PEG3: variants seen among roughly 807,000 people sequenced by gnomAD.
The protein encoded by PEG3 is paternally-expressed gene 3 protein.
Under a neutral mutation model 35.5 loss-of-function variants are expected in PEG3, and 23 were observed. The observed-to-expected ratio is 0.65, with a 90% CI of 0.47 to 0.92. The LOEUF (loss-of-function observed/expected upper bound fraction) is 0.92, where lower values mean the gene tolerates loss of function less well. PEG3 is among the 40% of genes least tolerant of loss of function. The pLI is 0.00. For synonymous variants in PEG3, 707 were observed against 697.0 expected (o/e 1.01, Z -0.23); for missense variants, 1,960 against 1,985.3 (o/e 0.99, Z 0.24).
chr19:56,815,308 T>C lies in PEG3; in HGVS notation c.3134A>G (p.Asp1045Gly). The C allele has an allele frequency of 6.2e-7, 1 of 1,614,252 alleles. No individual in the cohort carries two copies. The highest frequency in any genetic ancestry group is 8.5e-7 in the Non-Finnish European group (1 of 1,180,046). ...DFRQFFATSE[D>G]LNTNQKIYDQ... ...ATAGATTTTCTGGTTTGTGTTGAGG[T>C]CTTCGCTGGTAGCAAAAAATTGTCT... The change falls in exon 10 of 10, where the codon GAC becomes GGC. Residue 1045 changes from aspartate to glycine, a missense_variant. This residue lies in a region of PEG3 where 798 missense variants were observed against 782.4 expected (regional missense o/e 1.02). Transcript: ENST00000326441.
intron 5 of PEG3, 48 bp downstream of exon 5, chr19:56,823,545 C>G (rs539549964): frequency 6.2e-7 from 1 of 1,612,268 alleles, no homozygotes; most frequent in South Asian, 1.1e-5. Flanking sequence ...CTGGAAGCAT[C>G]TGGCAGCGCC....
chr19:56,812,567 C>T lies in PEG3; in HGVS notation c.*1108G>A. On this transcript the variant is annotated 3_prime_UTR_variant, in exon 10 of 10. Coordinates refer to ENST00000326441, the MANE Select transcript of PEG3 (RefSeq NM_006210.3). Reference sequence around the variant, plus strand: ...CTTGTGGCAGCATAAGCTGATGCTGCACAGGGGACCCAAGCCATGTTGCTA... The same window carrying T: ...CTTGTGGCAGCATAAGCTGATGCTGTACAGGGGACCCAAGCCATGTTGCTA... 1.0e-6 allele frequency: 1 copy of T among 985,714 alleles called. No homozygotes were observed. Among genetic ancestry groups the T allele is most frequent in the Non-Finnish European group, 1.2e-6 (1 of 829,908 alleles). The allele number at this position is 985,714 out of a possible 1,614,324, so 61.1% of individuals were successfully genotyped here. A position where few individuals can be genotyped will look rare whatever the true frequency, so the allele number is the denominator to read the frequency against.
In PEG3 at chr19:56,810,985, G is replaced by A. The variant is rs1600845534; in HGVS notation, c.*2690C>T. ...TTAACCATAATTCCACAAAGGTAAT[G>A]TAACAGCTATTTTGAATATACATTT... is the stretch of plus-strand genomic sequence containing the variant. On this transcript the variant is annotated 3_prime_UTR_variant, in exon 10 of 10. Coordinates refer to ENST00000326441, the MANE Select transcript of PEG3 (RefSeq NM_006210.3). 3 of 973,374 alleles carry A rather than the reference G, an allele frequency of 3.1e-6. No homozygotes were observed. Among genetic ancestry groups the A allele is most frequent in the Non-Finnish European group, 3.7e-6 (3 of 818,958 alleles). 60.3% of individuals were successfully genotyped at this position (973,374 alleles called of 1,614,324 possible).
chr19:56,822,201 T>C (rs866942341), intron 6 of PEG3, among the ~76,000 whole-genome samples: 32 of 152,258 alleles, frequency 2.1e-4, no homozygotes, highest in African/African-American at 7.5e-4. Flanking sequence ...CTTCTCCTGA[T>C]CAATTTTAGG....
chr19:56,835,353 C>G (rs945663152), intron 2 of PEG3, among the ~76,000 whole-genome samples: 6 of 152,202 alleles, frequency 3.9e-5, no homozygotes, highest in African/African-American at 1.4e-4. Flanking sequence ...CTACCTCAAT[C>G]AGATGCCACT....
intron 4 of PEG3, 78 bp downstream of exon 4, chr19:56,824,179 CCATGT>C: frequency 6.4e-7 from 1 of 1,552,460 alleles, no homozygotes; most frequent in Non-Finnish European, 8.7e-7. Flanking sequence ...CCAGTCCAGA[CCATGT>C]CAGAAGTGTG....
chr19:56,833,429 C>T (rs536042582), intron 2 of PEG3: 13 of 335,182 alleles, frequency 3.9e-5, no homozygotes, highest in Admixed American at 3.4e-4. Context: ...CTCTGCAGAC[C>T]GACATTCTCT....
intron 6 of PEG3, 104 bp from the exon 7 acceptor site, chr19:56,821,858 A>G (rs2060521996): frequency 8.2e-7 from 1 of 1,226,588 alleles, no homozygotes; most frequent in Non-Finnish European, 1.2e-6. Context: ...TGAGTGTATG[A>G]GAGCAAGTGC....
chr19:56,824,446 G>A lies in PEG3; in HGVS notation c.210C>T (p.Leu70=). The A allele has an allele frequency of 6.2e-7, 1 of 1,614,168 alleles. No homozygotes were observed. Reference sequence around the variant, plus strand: ...TCTCCGGCTGCAACCAATCGAGGCAGAGGTTTCGGAGTTTGATCAGGGTCT... The same window carrying A: ...TCTCCGGCTGCAACCAATCGAGGCAAAGGTTTCGGAGTTTGATCAGGGTCT... ...PRKTLIKLRN[L]CLDWLQPETR... Residue 70 remains leucine, a synonymous_variant, in exon 4 of 10, where the codon CTC becomes CTT. Coordinates refer to ENST00000326441, the MANE Select transcript of PEG3 (RefSeq NM_006210.3).
chr19:56,824,536 A>G lies in PEG3; in HGVS notation c.120T>C (p.Thr40=), dbSNP rs1442027576. 1 of 1,614,186 alleles carries G rather than the reference A, an allele frequency of 6.2e-7. No individual in the cohort carries two copies. The highest frequency in any genetic ancestry group is 8.5e-7 in the Non-Finnish European group (1 of 1,180,028). ...EPDVIIGEGP[T]DSEFFHQRFR... Reference sequence around the variant, plus strand: ...ACCTCTGATGAAAAAACTCAGAGTCAGTTGGACCTTCTCCTATGATGACAT... The same window carrying G: ...ACCTCTGATGAAAAAACTCAGAGTCGGTTGGACCTTCTCCTATGATGACAT... The change falls in exon 4 of 10, where the codon ACT becomes ACC. Residue 40 remains threonine (T), a synonymous_variant. Transcript: ENST00000326441.
Position 56,829,116 on chromosome 19 carries a change from C to T in PEG3, c.-162-2653G>A, listed in dbSNP as rs183011622. On this transcript the variant is annotated intron_variant, in intron 2 of 9. Coordinates refer to ENST00000326441, the MANE Select transcript of PEG3 (RefSeq NM_006210.3). ...CTGTAATCCCAGCACTTTGGGAGGC[C>T]GAGGCGGGTAGATTACCTGAGGTCA... Among the ~76,000 whole-genome samples the T allele has an allele frequency of 1.3e-3, 191 of 152,076 alleles. 1 individual carries two copies. The Middle Eastern group carries it at 0.017, about 14-fold the overall frequency.
rs761410227 is a variant in PEG3 at position 56,816,000 on chromosome 19, G to A, written c.2442C>T (p.Asn814=). Residue 814 remains asparagine, a synonymous_variant, in exon 10 of 10, where the codon AAC becomes AAT. Coordinates refer to ENST00000326441, the MANE Select transcript of PEG3 (RefSeq NM_006210.3). ...TCCCTCCAGCACGAACTCTCTGATG[G>A]TTGATAGCATCGAAGCTCTGAATGG... The part of the protein sequence containing the change: ...ESTIQSFDAI[N]HQRVRAGGNT... 6 of 1,588,176 alleles carry A rather than the reference G, an allele frequency of 3.8e-6. No individual in the cohort carries two copies. In the South Asian group the frequency reaches 7.0e-5, roughly 18 times the overall value.
At position 56,813,726 on chromosome 19, in the gene PEG3, G is replaced by A. The variant is rs932370950; in HGVS notation, c.4716C>T (p.Leu1572=). The change falls in exon 10 of 10, where the codon CTC becomes CTT. Residue 1572 remains leucine (L), a synonymous_variant. Transcript: ENST00000326441. ...TGGCGAGGGACAGGCGGTCATTGAA[G>A]AGCTGCCCACAGACGTCACATTTGA... ...KYFKCDVCGQ[L]FNDRLSLARH... is the part of the protein sequence containing the mutation. The A allele has an allele frequency of 1.2e-6, 2 of 1,614,016 alleles. No individual in the cohort carries two copies. The highest frequency in any genetic ancestry group is 1.7e-6 in the Non-Finnish European group (2 of 1,180,018).
rs559976556 is a variant in PEG3 at position 56,816,213 on chromosome 19, A to G, written c.2229T>C (p.Ser743=). The G allele has an allele frequency of 1.7e-5, 27 of 1,614,086 alleles. 1 individual carries two copies. In the East Asian group the frequency reaches 4.2e-4, roughly 25 times the overall value. Reference sequence around the variant, plus strand: ...TGGTGAACGCCTTTTCGTCCTCATCACTTTCAAGAGGTCTTGTTATAGTAT... The same window carrying G: ...TGGTGAACGCCTTTTCGTCCTCATCGCTTTCAAGAGGTCTTGTTATAGTAT... The part of the protein sequence containing the change: ...KSHTITRPLE[S]DEDEKAFTIS... The change falls in exon 10 of 10, where the codon AGT becomes AGC. Residue 743 remains serine (S), a synonymous_variant. Transcript: ENST00000326441.
rs113790941 is a variant in PEG3 at position 56,838,125 on chromosome 19, A to G, written c.-249-2021T>C. 5.3e-3 allele frequency among the ~76,000 whole-genome samples: 804 copies of G among 152,204 alleles called. 11 individuals are homozygous for G. The highest frequency in any genetic ancestry group is 0.019 in the African/African-American group (773 of 41,526). On this transcript the variant is annotated intron_variant, in intron 1 of 9. Coordinates refer to ENST00000326441, the MANE Select transcript of PEG3 (RefSeq NM_006210.3). The stretch of plus-strand genomic sequence containing the variant: ...ATGATGCCACAGAGTGGGCGGGGCC[A>G]TGCAGACCCCGTCAGTCACTCAGTC...
At position 56,813,641 on chromosome 19, in the gene PEG3, T is replaced by C. The variant is rs1345156578; in HGVS notation, c.*34A>G. On this transcript the variant is annotated 3_prime_UTR_variant, in exon 10 of 10. Coordinates refer to ENST00000326441, the MANE Select transcript of PEG3 (RefSeq NM_006210.3). ...CTGTGGTTTGGTAAGGGTCAAGTCC[T>C]AGGTGAAGGTTTTCTAACCTTTACC... is the stretch of plus-strand genomic sequence containing the variant. 6.3e-7 allele frequency: 1 copy of C among 1,586,828 alleles called. No homozygotes were observed. Among genetic ancestry groups the C allele is most frequent in the African/African-American group, 1.3e-5 (1 of 74,554 alleles).
rs527606019 is a variant in PEG3, at chr19:56,824,305, G to A, written c.351C>T (p.Leu117=). ...CCTTGTAATTCTCCAGCAGAGTGAC[G>A]AGCTTCTCACAGTTCTCCGGCTTTT... The part of the protein sequence containing the change: ...RAKKPENCEK[L]VTLLENYKEM... Residue 117 remains leucine, a synonymous_variant, in exon 4 of 10, where the codon CTC becomes CTT. Transcript: ENST00000326441. The A allele has an allele frequency of 4.7e-5, 76 of 1,614,042 alleles. No individual in the cohort carries two copies. In the South Asian group the frequency reaches 5.7e-4, roughly 12 times the overall value.
chr19:56,824,781 G>C (rs1423343681), intron 3 of PEG3, 40 bp from the exon 4 acceptor site: 5 of 930,126 alleles, frequency 5.4e-6, no homozygotes, highest in Non-Finnish European at 6.5e-6. Context: ...CCCAGAAGTT[G>C]AAGACCAGGC....
intron 2 of PEG3, among the ~76,000 whole-genome samples, chr19:56,829,823 T>C (rs2061411619): frequency 6.6e-6 from 1 of 152,232 alleles, no homozygotes; most frequent in South Asian, 2.1e-4. Context: ...CGTGACCTTC[T>C]GTGACAGCGA....
Sources: allele counts gnomAD v4.1 joint callset (sites outside exome capture counted in the v4.1 genomes callset), GRCh38; gene constraint gnomAD v4.1.1; regional missense constraint gnomAD v4.1.1; transcripts MANE v1.5; gene names NCBI Gene and HGNC (gene_info 2026-07-23, HGNC 2026-07-21).